The following FANCB variants were observed in gnomAD, a reference collection of about 807,000 sequenced individuals.
FANCB encodes the protein Fanconi anemia group B protein.
FANCB carries 5 observed loss-of-function variants against 38.9 expected under a neutral mutation model. The ratio of observed to expected loss-of-function variants is 0.13; its 90% CI spans 0.07 to 0.27. FANCB has a LOEUF of 0.27. Ranked by LOEUF, FANCB falls within the 10% of genes least tolerant of loss-of-function variation. FANCB has a pLI of 1.00. For missense variants in FANCB, 573 were observed against 602.7 expected (o/e 0.95, Z 0.52); for synonymous variants, 236 against 215.4 (o/e 1.10, Z -0.84).
At chrX:14,785,370 A>AT in the FANCB span, among the ~76,000 whole-genome samples, 1 of 111,937 alleles carries the variant, frequency 8.9e-6, no homozygotes, top group Non-Finnish European at 1.9e-5. Flanking sequence ...TAGAGTGCCC[A>AT]TTTCTTTGAG....
In FANCB at chrX:14,864,857, T is replaced by G. The variant is rs780311940; in HGVS notation, c.654A>C (p.Glu218Asp). The change falls in exon 3 of 10, where the codon GAA becomes GAC. Residue 218 changes from glutamate (E) to aspartate (D), a missense_variant. Transcript: ENST00000650831. ...ATATATCACTTAATACTTCTTGACT[T>G]TCAAGAGAATATACACAAAATTTGG... is the stretch of plus-strand genomic sequence containing the variant. ...WNTKFCVYSL[E>D]SQEVLSDIYI... 1 of 1,208,488 alleles carries G rather than the reference T, an allele frequency of 8.3e-7. No homozygotes were observed. The highest frequency in any genetic ancestry group is 1.8e-5 in the South Asian group (1 of 56,870).
intron 5 of FANCB, among the ~76,000 whole-genome samples, chrX:14,853,930 T>C (rs200006529): frequency 2.8e-4 from 32 of 112,566 alleles, no homozygotes; most frequent in African/African-American, 9.7e-4. Context: ...TCTGAGGCTG[T>C]TTAAGTATTC....
chrX:14,703,341 T>C, the FANCB span, among the ~76,000 whole-genome samples: 1 of 111,486 alleles, frequency 9.0e-6, no homozygotes, highest in Non-Finnish European at 1.9e-5. Context: ...CATAGTCCCC[T>C]TTCTCCAAAG....
intron 9 of FANCB, among the ~76,000 whole-genome samples, 154 bp from the exon 10 acceptor site, chrX:14,844,135 T>C (rs1225992162): frequency 7.2e-5 from 8 of 111,860 alleles, no homozygotes. Flanking sequence ...AAATTCAGAC[T>C]ACAGCAATCA....
At chrX:14,802,004 T>G in the FANCB span, among the ~76,000 whole-genome samples, 1 of 111,861 alleles carries the variant, frequency 8.9e-6, no homozygotes, top group Admixed American at 9.5e-5. Flanking sequence ...TTTATCTTCC[T>G]CCCTTTGCTG....
chrX:14,770,625 C>T, the FANCB span, among the ~76,000 whole-genome samples: 2 of 111,636 alleles, frequency 1.8e-5, no homozygotes, highest in African/African-American at 6.5e-5. Context: ...GGCATTTAGT[C>T]GTTTTACATT....
intron 2 of FANCB, among the ~76,000 whole-genome samples, chrX:14,868,661 AGTGT>A (rs2092481267): frequency 9.0e-6 from 1 of 111,497 alleles, no homozygotes; most frequent in African/African-American, 3.3e-5. Flanking sequence ...AATATGTTCT[AGTGT>A]CCTATTGCAC....
chrX:14,721,406 C>G, the FANCB span, among the ~76,000 whole-genome samples: 1 of 111,358 alleles, frequency 9.0e-6, no homozygotes, highest in Non-Finnish European at 1.9e-5. Context: ...CAACAAAACA[C>G]TACATTATAC....
intron 3 of FANCB, among the ~76,000 whole-genome samples, chrX:14,863,873 G>A (rs1183295129): frequency 1.8e-5 from 2 of 112,083 alleles, no homozygotes; most frequent in African/African-American, 3.2e-5. Context: ...GGTGACTCAC[G>A]CCTGTAATCC....
chrX:14,713,382 A>G, the FANCB span, among the ~76,000 whole-genome samples: 1 of 112,141 alleles, frequency 8.9e-6, no homozygotes, highest in Non-Finnish European at 1.9e-5. Flanking sequence ...CACTCTAGCT[A>G]GAGCAGAATT....
At chrX:14,750,999 G>A in the FANCB span, among the ~76,000 whole-genome samples, 1 of 110,599 alleles carries the variant, frequency 9.0e-6, no homozygotes, top group Non-Finnish European at 1.9e-5. Context: ...AAACTTCAAT[G>A]TCTTCAGCAG....
downstream of FANCB, among the ~76,000 whole-genome samples, chrX:14,841,473 G>T (rs919758888): frequency 1.8e-5 from 2 of 112,202 alleles, no homozygotes; most frequent in African/African-American, 6.5e-5. Context: ...AAACAATTGA[G>T]TAGTCAATTC....
chrX:14,743,228 A>G, the FANCB span, among the ~76,000 whole-genome samples: 1 of 112,334 alleles, frequency 8.9e-6, no homozygotes, highest in Non-Finnish European at 1.9e-5. Context: ...GCCATCAGGT[A>G]TTAGCTGTGT....
chrX:14,790,483 A>G, the FANCB span, among the ~76,000 whole-genome samples: 2 of 112,125 alleles, frequency 1.8e-5, no homozygotes, highest in Non-Finnish European at 3.8e-5. Context: ...GTAGAATCTC[A>G]ACAGCATTTT....
At chrX:14,828,552 T>G in the FANCB span, among the ~76,000 whole-genome samples, 13 of 111,916 alleles carry the variant, frequency 1.2e-4, no homozygotes, top group Admixed American at 9.5e-4. Flanking sequence ...AGGTTGATCA[T>G]GAGATTGCAG....
At chrX:14,746,823 G>A in the FANCB span, among the ~76,000 whole-genome samples, 1 of 111,802 alleles carries the variant, frequency 8.9e-6, no homozygotes. Flanking sequence ...CTTCCTTTTT[G>A]TTCCTGTTCC....
chrX:14,698,635 G>A, the FANCB span, among the ~76,000 whole-genome samples: 6 of 85,470 alleles, frequency 7.0e-5, no homozygotes, highest in East Asian at 1.2e-3. Flanking sequence ...CTGAGATCAC[G>A]CCACTGTACT....
the FANCB span, among the ~76,000 whole-genome samples, chrX:14,804,499 G>C: frequency 9.0e-6 from 1 of 111,216 alleles, no homozygotes; most frequent in Non-Finnish European, 1.9e-5. Context: ...TGAGGGGAGC[G>C]GGGAGGGATA....
chrX:14,810,735 A>G, the FANCB span, among the ~76,000 whole-genome samples: 2 of 112,092 alleles, frequency 1.8e-5, no homozygotes, highest in East Asian at 5.6e-4. Flanking sequence ...AAGTTGGAAA[A>G]CACTCTACAG....
Sources: allele counts gnomAD v4.1 joint callset (sites outside exome capture counted in the v4.1 genomes callset), GRCh38; gene constraint gnomAD v4.1.1; transcripts MANE v1.5; gene names NCBI Gene and HGNC (gene_info 2026-07-23, HGNC 2026-07-21).